The following CDC42BPA variants were observed in gnomAD, a reference collection of about 807,000 sequenced individuals.
CDC42BPA encodes serine/threonine-protein kinase MRCK alpha.
Under a neutral mutation model 223.5 loss-of-function variants are expected in CDC42BPA, and 80 were observed. The ratio of observed to expected loss-of-function variants is 0.36; its 90% CI spans 0.30 to 0.43. CDC42BPA has a LOEUF of 0.43. Ranked by LOEUF, CDC42BPA falls within the 20% of genes least tolerant of loss-of-function variation. CDC42BPA has a pLI of 1.00. For missense variants in CDC42BPA, 1,743 were observed against 2,099.9 expected (o/e 0.83, Z 3.32); for synonymous variants, 694 against 718.6 (o/e 0.97, Z 0.55).
intron 11 of CDC42BPA, among the ~76,000 whole-genome samples, chr1:227,127,483 A>T (rs558844152): frequency 6.6e-6 from 1 of 152,346 alleles, no homozygotes; most frequent in East Asian, 1.9e-4. Context: ...AAGAGGAGAG[A>T]TATGCTTATG....
In CDC42BPA at chr1:227,120,115, G is replaced by A. The variant is rs115346894; in HGVS notation, c.1514-178C>T. Among the ~76,000 whole-genome samples the A allele has an allele frequency of 7.3e-3, 1,114 of 151,736 alleles. 11 individuals carry two copies. Among genetic ancestry groups the A allele is most frequent in the Non-Finnish European group, 0.011 (760 of 67,934 alleles). Reference sequence around the variant, plus strand: ...TGCATTATCAGTTCACTGTAAAGACGGTGAATGGTGTATGCCAGTGTGAAG... The same window carrying A: ...TGCATTATCAGTTCACTGTAAAGACAGTGAATGGTGTATGCCAGTGTGAAG... On this transcript the variant is annotated intron_variant, in intron 11 of 36. Coordinates refer to ENST00000366766, the MANE Select transcript of CDC42BPA (RefSeq NM_001394014.1).
chr1:227,000,419 A>C (rs754414033), intron 35 of CDC42BPA, among the ~76,000 whole-genome samples: 1 of 152,144 alleles, frequency 6.6e-6, no homozygotes, highest in African/African-American at 2.4e-5. Flanking sequence ...ATAATGAAAA[A>C]ATTACTTTAA....
chr1:227,252,690 A>C (rs1307895626), intron 2 of CDC42BPA, among the ~76,000 whole-genome samples: 1 of 152,220 alleles, frequency 6.6e-6, no homozygotes, highest in Non-Finnish European at 1.5e-5. Context: ...GTAACATATC[A>C]CAAGTCAGTT....
intron 1 of CDC42BPA, among the ~76,000 whole-genome samples, chr1:227,271,693 C>T (rs994406737): frequency 6.6e-6 from 1 of 152,024 alleles, no homozygotes; most frequent in Non-Finnish European, 1.5e-5. Flanking sequence ...TTAGTAAATT[C>T]ACCCAAAAAA....
At chr1:227,199,812 C>G (rs1316956630) in intron 3 of CDC42BPA, among the ~76,000 whole-genome samples, 160 bp from the exon 4 acceptor site, 1 of 152,064 alleles carries the variant, frequency 6.6e-6, no homozygotes, top group African/African-American at 2.4e-5. Context: ...CCCTCAGAAA[C>G]TGGGCTACTG....
intron 32 of CDC42BPA, among the ~76,000 whole-genome samples, chr1:227,017,974 G>C (rs1666624243): frequency 6.6e-6 from 1 of 151,420 alleles, no homozygotes; most frequent in African/African-American, 2.4e-5. Flanking sequence ...TGATCCTCGT[G>C]GCATAATCAT....
intron 2 of CDC42BPA, among the ~76,000 whole-genome samples, chr1:227,218,456 C>A (rs1675266827): frequency 6.6e-6 from 1 of 152,178 alleles, no homozygotes. Flanking sequence ...GTGCCTAGCA[C>A]TGGGCTAAGC....
intron 1 of CDC42BPA, among the ~76,000 whole-genome samples, chr1:227,255,008 A>G (rs1428726198): frequency 6.6e-6 from 1 of 152,228 alleles, no homozygotes; most frequent in Non-Finnish European, 1.5e-5. Flanking sequence ...ATGCAAAGAA[A>G]TAAGAGCTAG....
At chr1:227,110,483 C>T (rs1410847408) in intron 14 of CDC42BPA, among the ~76,000 whole-genome samples, 1 of 152,070 alleles carries the variant, frequency 6.6e-6, no homozygotes, top group Non-Finnish European at 1.5e-5. Context: ...AAAAGCAAAC[C>T]ATTAGATAAA....
intron 1 of CDC42BPA, among the ~76,000 whole-genome samples, chr1:227,286,630 T>C (rs2148618659): frequency 6.6e-6 from 1 of 152,314 alleles, no homozygotes; most frequent in South Asian, 2.1e-4. Context: ...GTTATCTTTA[T>C]AGCAACATTC....
chr1:227,066,407 A>G (rs531341067), intron 21 of CDC42BPA, among the ~76,000 whole-genome samples: 1 of 146,408 alleles, frequency 6.8e-6, no homozygotes, highest in East Asian at 1.9e-4. Flanking sequence ...AAACAAAAAC[A>G]AAAACAAAAA....
chr1:227,078,223 C>A (rs1679905064), intron 17 of CDC42BPA, among the ~76,000 whole-genome samples: 1 of 152,068 alleles, frequency 6.6e-6, no homozygotes, highest in African/African-American at 2.4e-5. Flanking sequence ...TTATTCCCAC[C>A]CTTCTTGAGC....
intron 1 of CDC42BPA, chr1:227,265,302 T>A (rs1345102774): frequency 2.1e-6 from 1 of 466,758 alleles, no homozygotes; most frequent in Admixed American, 3.3e-5. Flanking sequence ...AAAGGCTTCG[T>A]TTCCCTACCT....
At chr1:227,279,951 G>A (rs144354067) in intron 1 of CDC42BPA, among the ~76,000 whole-genome samples, 8,182 of 152,080 alleles carry the variant, frequency 0.054, 246 homozygotes, top group Non-Finnish European at 0.073. Context: ...CCAGCTACCT[G>A]GAAGGCTGAG....
At chr1:227,232,601 T>A (rs1302823903) in intron 2 of CDC42BPA, among the ~76,000 whole-genome samples, 1 of 152,200 alleles carries the variant, frequency 6.6e-6, no homozygotes, top group Non-Finnish European at 1.5e-5. Context: ...TTGGTGTGGA[T>A]GTCCTTTCTG....
At chr1:227,166,011 A>C (rs16847249) in intron 5 of CDC42BPA, among the ~76,000 whole-genome samples, 8,814 of 152,288 alleles carry the variant, frequency 0.058, 839 homozygotes, top group African/African-American at 0.2. Flanking sequence ...AGCCACTAAG[A>C]TCATCTGCAG....
intron 31 of CDC42BPA, among the ~76,000 whole-genome samples, chr1:227,025,148 TG>T (rs1668028794): frequency 6.6e-6 from 1 of 151,924 alleles, no homozygotes; most frequent in South Asian, 2.1e-4. Context: ...GAGGCAGAGG[TG>T]GGAGAATTGC....
chr1:227,051,179 C>T (rs929693615), intron 22 of CDC42BPA, among the ~76,000 whole-genome samples: 1 of 152,168 alleles, frequency 6.6e-6, no homozygotes, highest in South Asian at 2.1e-4. Flanking sequence ...ATGCTAGACA[C>T]AGCTCTGGAG....
At chr1:227,175,681 G>A (rs756498318) in intron 5 of CDC42BPA, among the ~76,000 whole-genome samples, 20 of 151,710 alleles carry the variant, frequency 1.3e-4, no homozygotes, top group Non-Finnish European at 2.5e-4. Flanking sequence ...CCCATCTTAC[G>A]CCACTAGTAA....
Sources: allele counts gnomAD v4.1 joint callset (sites outside exome capture counted in the v4.1 genomes callset), GRCh38; gene constraint gnomAD v4.1.1; transcripts MANE v1.5; gene names NCBI Gene and HGNC (gene_info 2026-07-23, HGNC 2026-07-21).